Variants in TRPM1 observed in about 807,000 individuals in gnomAD.
TRPM1 encodes the protein transient receptor potential cation channel subfamily M member 1, also known as TRPM1-203 APA Isoform, Intron 10.
TRPM1 carries 113 observed loss-of-function variants against 149.4 expected under a neutral mutation model. That is an observed-to-expected ratio of 0.76 (90% CI 0.65 to 0.88). The LOEUF (loss-of-function observed/expected upper bound fraction) is 0.88. Ranked by LOEUF, TRPM1 falls within the 40% of genes least tolerant of loss-of-function variation. The probability of loss-of-function intolerance (pLI) is 0.00; values close to 1 mark genes in which losing one functional copy is unlikely to be tolerated. For synonymous variants in TRPM1, 741 were observed against 759.5 expected (o/e 0.98, Z 0.40); for missense variants, 1,976 against 2,038.7 (o/e 0.97, Z 0.59).
chr15:31,076,202 G>A (rs951257066), intron 3 of TRPM1, among the ~76,000 whole-genome samples: 1 of 152,164 alleles, frequency 6.6e-6, no homozygotes, highest in African/African-American at 2.4e-5. Context: ...GCTTGGGGAT[G>A]TGGAGGGACT....
intron 1 of TRPM1, among the ~76,000 whole-genome samples, chr15:31,121,722 G>GGTA (rs2035883302): frequency 6.6e-6 from 1 of 152,102 alleles, no homozygotes; most frequent in Non-Finnish European, 1.5e-5. Context: ...TGTTTCACTG[G>GGTA]TGAATTATAC....
At chr15:31,112,364 G>A (rs1311029714) in intron 1 of TRPM1, among the ~76,000 whole-genome samples, 1 of 152,186 alleles carries the variant, frequency 6.6e-6, no homozygotes, top group African/African-American at 2.4e-5. Flanking sequence ...TGTAATCCCA[G>A]CTACTCAGGA....
At chr15:31,089,361 A>G (rs964774620) in intron 1 of TRPM1, among the ~76,000 whole-genome samples, 2 of 152,196 alleles carry the variant, frequency 1.3e-5, no homozygotes, top group African/African-American at 2.4e-5. Flanking sequence ...CCGGGAGGCT[A>G]TCTTGGTAAG....
chr15:31,060,134 G>GACACACATATAC (rs1555423726), intron 11 of TRPM1: 1 of 323,288 alleles, frequency 3.1e-6, no homozygotes, highest in African/African-American at 2.2e-5. Context: ...CACACACATA[G>GACACACATATAC]ACACACACAC....
chr15:31,002,609 G>T lies in TRPM1; in HGVS notation c.4091C>A (p.Ala1364Glu), dbSNP rs764091956. Reference protein sequence around the residue: ...TSATPDGSHLAVDDLKNAEES... With the variant: ...TSATPDGSHLEVDDLKNAEES... ...TTCAGCGTTCTTTAAGTCATCTACT[G>T]CAAGGTGACTGCCATCTGGGGTTGC... Residue 1364 changes from alanine to glutamate, a missense_variant, in exon 28 of 28, where the codon GCA (alanine) becomes GAA (glutamate). This residue lies in a region of TRPM1 where 572 missense variants were observed against 578.9 expected (regional missense o/e 0.99). Coordinates refer to ENST00000256552, the MANE Select transcript of TRPM1 (RefSeq NM_001252024.2). 1.2e-6 allele frequency: 2 copies of T among 1,614,016 alleles called. No individual in the cohort carries two copies. The highest frequency in any genetic ancestry group is 3.3e-5 in the Admixed American group (2 of 59,998).
chr15:31,050,572 C>T lies in TRPM1; in HGVS notation c.1274G>A (p.Ser425Asn). Residue 425 changes from serine to asparagine, a missense_variant, in exon 12 of 28, where the codon AGC (serine) becomes AAC (asparagine). Transcript: ENST00000256552. ...VFGPHWPPLG[S>N]LAPPTDSKAT... ...TTTGCTGTCCGTCGGGGGTGCCAGG[C>T]TTCCCAGGGGCTGCAGTCCACAGCA... The T allele has an allele frequency of 1.2e-6, 2 of 1,614,076 alleles. No individual in the cohort carries two copies. The highest frequency in any genetic ancestry group is 2.2e-5 in the South Asian group (2 of 91,086).
In TRPM1 at chr15:31,050,500, C is replaced by T; in HGVS notation, c.1346G>A (p.Gly449Glu). Residue 449 changes from glycine to glutamate, a missense_variant, in exon 12 of 28, where the codon GGA (glycine) becomes GAA (glutamate). Transcript: ENST00000256552. Reference sequence around the variant, plus strand: ...CTTCTTGCCTTTCCCTTTTCCTCTTCCTCCCTTGGTGGTGGCCATGGGTGG... The same window carrying T: ...CTTCTTGCCTTTCCCTTTTCCTCTTTCTCCCTTGGTGGTGGCCATGGGTGG... ...KKPPMATTKGGRGKGKGKKKG... is the reference protein window; with the variant it reads ...KKPPMATTKGERGKGKGKKKG... 1.2e-6 allele frequency: 2 copies of T among 1,614,154 alleles called. No homozygotes were observed. The highest frequency in any genetic ancestry group is 2.2e-5 in the South Asian group (2 of 91,074).
In TRPM1 at chr15:31,050,474, T is replaced by TC; in HGVS notation, c.1371dup (p.Lys458GlufsTer13). 1 of 1,614,090 alleles carries TC rather than the reference T, an allele frequency of 6.2e-7. No homozygotes were observed. Among genetic ancestry groups the TC allele is most frequent in the Non-Finnish European group, 8.5e-7 (1 of 1,180,000 alleles). Reference sequence around the variant, plus strand: ...TCCACTTCCTCTTTCACTTTCCCTTTCTTCTTGCCTTTCCCTTTTCCTCTT... The same window carrying TC: ...TCCACTTCCTCTTTCACTTTCCCTTTCCTTCTTGCCTTTCCCTTTTCCTCTT... On this transcript the variant is annotated frameshift_variant, in exon 12 of 28. Transcript: ENST00000256552. LOFTEE classifies it high-confidence loss of function.
chr15:31,066,139 C>A lies in TRPM1; in HGVS notation c.727G>T (p.Gly243Cys). Residue 243 changes from glycine (G) to cysteine (C), a missense_variant, in exon 7 of 28, where the codon GGC becomes TGC. By Grantham distance (159) the Gly-to-Cys change is radical. Coordinates refer to ENST00000256552, the MANE Select transcript of TRPM1 (RefSeq NM_001252024.2). ...AGCCTTCGCAGCTTCACCTCGGCGC[C>A]ATACTTGCCCAGGGTGCCATTGTCA... ...LADNGTLGKY[G>C]AEVKLRRLLE... is the part of the protein sequence containing the mutation. 6.2e-7 allele frequency: 1 copy of A among 1,614,214 alleles called. No individual in the cohort carries two copies. Among genetic ancestry groups the A allele is most frequent in the Non-Finnish European group, 8.5e-7 (1 of 1,180,042 alleles).
intron 1 of TRPM1, among the ~76,000 whole-genome samples, chr15:31,089,378 T>C (rs956248920): frequency 2.0e-5 from 3 of 152,226 alleles, no homozygotes; most frequent in African/African-American, 2.4e-5. Context: ...TAAGTATCTA[T>C]GAAGTATACG....
chr15:31,040,215 G>C lies in TRPM1; in HGVS notation c.2219C>G (p.Ala740Gly), dbSNP rs1258042298. ...GTGAGCAATGAAGTCCCGGTGTTTGGCTGCCACGGCCAGTTTGAGGCAGGT... is the reference window on the plus strand; with the variant it reads ...GTGAGCAATGAAGTCCCGGTGTTTGCCTGCCACGGCCAGTTTGAGGCAGGT... ...NSTCLKLAVA[A>G]KHRDFIAHTC... The change falls in exon 18 of 28, where the codon GCC becomes GGC. Residue 740 changes from alanine (A) to glycine (G), a missense_variant. This residue lies in a region of TRPM1 where 1,332 missense variants were observed against 1,347.1 expected (regional missense o/e 0.99). Coordinates refer to ENST00000256552, the MANE Select transcript of TRPM1 (RefSeq NM_001252024.2). The surrounding 1 kb of genome is among the most constrained non-coding windows in gnomAD (Gnocchi z 4.2). 6.2e-6 allele frequency: 10 copies of C among 1,614,196 alleles called. No homozygotes were observed. The highest frequency in any genetic ancestry group is 8.5e-6 in the Non-Finnish European group (10 of 1,180,038).
At chr15:31,058,690 G>A (rs988327792) in intron 11 of TRPM1, among the ~76,000 whole-genome samples, 2 of 152,198 alleles carry the variant, frequency 1.3e-5, no homozygotes, top group Admixed American at 1.3e-4. Context: ...GGAGGAGTAT[G>A]GAGTGAATTT....
At chr15:31,069,113 AG>A (rs1706277415) in intron 4 of TRPM1, among the ~76,000 whole-genome samples, 2 of 152,336 alleles carry the variant, frequency 1.3e-5, no homozygotes, top group African/African-American at 4.8e-5. Flanking sequence ...GTATGTCTGA[AG>A]TTCAAATATA....
intron 1 of TRPM1, among the ~76,000 whole-genome samples, chr15:31,085,907 A>G (rs2034987430): frequency 6.6e-6 from 1 of 152,194 alleles, no homozygotes; most frequent in African/African-American, 2.4e-5. Context: ...ACCCGCAGCC[A>G]CAGGCCTCAC....
chr15:31,066,336 G>T, intron 6 of TRPM1, 89 bp from the exon 7 acceptor site: 2 of 1,429,268 alleles, frequency 1.4e-6, no homozygotes, highest in South Asian at 2.3e-5. Flanking sequence ...TGTGTGGAGT[G>T]ACTGCACTAA....
At chr15:31,062,961 C>A in intron 8 of TRPM1, 157 bp downstream of exon 8, 1 of 1,101,292 alleles carries the variant, frequency 9.1e-7, no homozygotes. Context: ...TGATGGTTCC[C>A]CTGGATGCTG....
intron 22 of TRPM1, among the ~76,000 whole-genome samples, chr15:31,031,985 G>A (rs981480310): frequency 2.0e-5 from 3 of 149,976 alleles, no homozygotes; most frequent in Non-Finnish European, 3.0e-5. Flanking sequence ...CCACATGTTA[G>A]GAGGTTATAA....
intron 1 of TRPM1, among the ~76,000 whole-genome samples, chr15:31,157,128 G>A (rs545968263): frequency 1.1e-4 from 16 of 152,086 alleles, no homozygotes; most frequent in South Asian, 2.1e-4. Context: ...GCCCAGACTC[G>A]TCTCAAACTC....
chr15:31,009,428 C>T (rs751262662), intron 27 of TRPM1, among the ~76,000 whole-genome samples: 1 of 152,138 alleles, frequency 6.6e-6, no homozygotes, highest in Non-Finnish European at 1.5e-5. Context: ...TCACTGTTCT[C>T]CAGTAAGTAA....
Sources: allele counts gnomAD v4.1 joint callset (sites outside exome capture counted in the v4.1 genomes callset), GRCh38; gene constraint gnomAD v4.1.1; regional missense constraint gnomAD v4.1.1; non-coding constraint Gnocchi (gnomAD v3.1); transcripts MANE v1.5; gene names NCBI Gene and HGNC (gene_info 2026-07-23, HGNC 2026-07-21).